Variants in RPS6 observed in about 807,000 individuals in gnomAD.
The protein encoded by RPS6 is ribosomal protein S6.
RPS6 carries 1 observed loss-of-function variant against 27.1 expected under a neutral mutation model. The ratio of observed to expected loss-of-function variants is 0.04; its 90% CI spans 0.01 to 0.18. The LOEUF (loss-of-function observed/expected upper bound fraction) is 0.18, where lower values mean the gene tolerates loss of function less well. Among genes scored for constraint, RPS6 ranks in the 10% least tolerant of loss-of-function variants. The pLI, the probability that RPS6 is intolerant of heterozygous loss-of-function variation, is 1.00. For synonymous variants in RPS6, 152 were observed against 106.0 expected, an observed-to-expected ratio of 1.43 and a Z score of -2.66; for missense variants, 259 against 319.1, an observed-to-expected ratio of 0.81 and a Z score of 1.44.
rs1829577233 is a variant in RPS6, at chr9:19,376,068, C to T, written c.*225G>A. 1 of 443,162 alleles carries T rather than the reference C, an allele frequency of 2.3e-6. No individual in the cohort carries two copies. Among genetic ancestry groups the T allele is most frequent in the Non-Finnish European group, 4.0e-6 (1 of 249,314 alleles). 27.5% of individuals were successfully genotyped at this position (443,162 alleles called of 1,614,324 possible). ...GGCAGGTGTCTTATGCTCAGAATCC[C>T]TTCCTGTGCCACCCATCCCCTGAAA... On this transcript the variant is annotated 3_prime_UTR_variant, in exon 6 of 6. Coordinates refer to ENST00000380394, the MANE Select transcript of RPS6 (RefSeq NM_001010.3).
At chr9:19,380,050 G>A (rs1218706726) in intron 1 of RPS6, 140 bp downstream of exon 1, 29 of 1,583,876 alleles carry the variant, frequency 1.8e-5, no homozygotes, top group African/African-American at 8.2e-5. Context: ...CCATGCCCCA[G>A]AAAGGCGAGC....
intron 1 of RPS6, 121 bp from the exon 2 acceptor site, chr9:19,379,739 T>TA: frequency 6.6e-7 from 1 of 1,505,234 alleles, no homozygotes; most frequent in Non-Finnish European, 8.8e-7. Context: ...AAGCAGGAAA[T>TA]ATAAGATGCC....
Position 19,376,264 on chromosome 9 carries a change from G to C in RPS6, c.*29C>G. 3 of 1,558,900 alleles carry C rather than the reference G, an allele frequency of 1.9e-6. No individual in the cohort carries two copies. The highest frequency in any genetic ancestry group is 2.2e-5 in the East Asian group (1 of 44,534). ...GAAAAGTCAACAGAGATCAGAGTCT[G>C]ATCTTATTTATTTGTTACTCAAAAA... On this transcript the variant is annotated 3_prime_UTR_variant, in exon 6 of 6. Transcript: ENST00000380394.
chr9:19,376,250 A>C lies in RPS6; in HGVS notation c.*43T>G. 6.8e-7 allele frequency: 1 copy of C among 1,469,866 alleles called. No individual in the cohort carries two copies. Among genetic ancestry groups the C allele is most frequent in the Non-Finnish European group, 9.4e-7 (1 of 1,065,046 alleles). 91.1% of individuals were successfully genotyped at this position (1,469,866 alleles called of 1,614,324 possible). On this transcript the variant is annotated 3_prime_UTR_variant, in exon 6 of 6. Transcript: ENST00000380394. ...TTTCTATCAGCAATGAAAAGTCAAC[A>C]GAGATCAGAGTCTGATCTTATTTAT...
At chr9:19,378,630 G>C (rs950506309) in intron 3 of RPS6, 78 bp downstream of exon 3, 16 of 1,576,306 alleles carry the variant, frequency 1.0e-5, no homozygotes, top group African/African-American at 1.3e-5. Flanking sequence ...TGTAAGTCTG[G>C]ATACTGCAAA....
intron 2 of RPS6, chr9:19,379,256 G>C: frequency 7.0e-7 from 1 of 1,423,234 alleles, no homozygotes; most frequent in African/African-American, 1.4e-5. Flanking sequence ...ATTGCCAAAT[G>C]CATGATGCAG....
At chr9:19,379,646 T>C (rs762085527) in intron 1 of RPS6, 28 bp from the exon 2 acceptor site, 5 of 1,600,322 alleles carry the variant, frequency 3.1e-6, no homozygotes, top group South Asian at 2.2e-5. Flanking sequence ...GGAAATAGTT[T>C]ACGAAACTAT....
Position 19,376,368 on chromosome 9 carries a change from C to G in RPS6, c.675G>C (p.Gln225His). Residue 225 changes from glutamine to histidine, a missense_variant, in exon 6 of 6, where the codon CAG becomes CAC. Coordinates refer to ENST00000380394, the MANE Select transcript of RPS6 (RefSeq NM_001010.3). ...KRMKEAKEKR[Q>H]EQIAKRRRLS... The stretch of plus-strand genomic sequence containing the variant: ...GTCTGCGTCTCTTCGCAATTTGTTC[C>G]TGGCGCTTCTCCTTAGCCTCCTAAA... 1 of 1,614,162 alleles carries G rather than the reference C, an allele frequency of 6.2e-7. No individual in the cohort carries two copies. Among genetic ancestry groups the G allele is most frequent in the Non-Finnish European group, 8.5e-7 (1 of 1,180,024 alleles).
Position 19,379,577 on chromosome 9 carries a change from A to G in RPS6, c.48T>C (p.Ile16=), listed in dbSNP as rs1380999194. 2.5e-6 allele frequency: 4 copies of G among 1,614,198 alleles called. No individual in the cohort carries two copies. Among genetic ancestry groups the G allele is most frequent in the Middle Eastern group, 1.6e-4 (1 of 6,062 alleles). Residue 16 remains isoleucine, a synonymous_variant, in exon 2 of 6, where the codon ATT becomes ATC. Transcript: ENST00000380394. ...GAAGTTTGCGTTCATCGTCCACTTC[A>G]ATGAGTTTCTGGCAGCCAGTGGCTG... ...SFPATGCQKL[I]EVDDERKLRT...
At chr9:19,377,774 C>CTT (rs1428189957) in intron 4 of RPS6, among the ~76,000 whole-genome samples, 33 of 152,190 alleles carry the variant, frequency 2.2e-4, no homozygotes, top group Admixed American at 2.2e-3. Context: ...AGTAAGGTCT[C>CTT]TAACTTCTAA....
Position 19,378,932 on chromosome 9 carries a change from C to G in RPS6, c.139-14G>C. ...GACCACATAACCCTGCAAGAGCATA[C>G]AATGAATGACACATTTACTATTTCT... On this transcript the variant is annotated splice_polypyrimidine_tract_variant and intron_variant, in intron 2 of 5. Transcript: ENST00000380394. 6.2e-7 allele frequency: 1 copy of G among 1,611,108 alleles called. No homozygotes were observed.
intron 4 of RPS6, among the ~76,000 whole-genome samples, chr9:19,377,351 A>C (rs1410607720): frequency 1.3e-5 from 2 of 151,542 alleles, no homozygotes; most frequent in Non-Finnish European, 2.9e-5. Context: ...GATTATTTCC[A>C]GGGCTATGAT....
At position 19,378,520 on chromosome 9, in the gene RPS6, A is replaced by T; in HGVS notation, c.350-6T>A. 1 of 1,610,552 alleles carries T rather than the reference A, an allele frequency of 6.2e-7. No individual in the cohort carries two copies. Among genetic ancestry groups the T allele is most frequent in the Non-Finnish European group, 8.5e-7 (1 of 1,179,090 alleles). ...TCCAGGAATATCCTTCTCTCCTTAG[A>T]AGAAACAGTTGAAGAGATTTTAATT... On this transcript the variant is annotated splice_polypyrimidine_tract_variant and splice_region_variant and intron_variant, in intron 3 of 5. Coordinates refer to ENST00000380394, the MANE Select transcript of RPS6 (RefSeq NM_001010.3).
intron 4 of RPS6, among the ~76,000 whole-genome samples, chr9:19,377,205 T>C (rs1339730933): frequency 6.6e-6 from 1 of 152,196 alleles, no homozygotes; most frequent in Admixed American, 6.5e-5. Context: ...ATTTGTTTCA[T>C]GGACACTTTG....
intron 1 of RPS6, 52 bp from the exon 2 acceptor site, chr9:19,379,670 T>C: frequency 6.4e-7 from 1 of 1,555,030 alleles, no homozygotes; most frequent in Non-Finnish European, 8.7e-7. Flanking sequence ...TACAGGTAAT[T>C]GTAGAGCCAT....
chr9:19,377,219 G>C (rs1198205414), intron 4 of RPS6, among the ~76,000 whole-genome samples: 7 of 152,094 alleles, frequency 4.6e-5, no homozygotes, highest in African/African-American at 1.7e-4. Flanking sequence ...CACTTTGTAG[G>C]AGTTAACTGC....
chr9:19,377,130 G>A (rs990061348), intron 4 of RPS6, among the ~76,000 whole-genome samples: 1 of 152,172 alleles, frequency 6.6e-6, no homozygotes, highest in Non-Finnish European at 1.5e-5. Context: ...TCATTAATCT[G>A]ATCTGTACTC....
At chr9:19,379,310 T>C in intron 2 of RPS6, 177 bp downstream of exon 2, 1 of 1,489,744 alleles carries the variant, frequency 6.7e-7, no homozygotes, top group Non-Finnish European at 8.9e-7. Context: ...ATTTTATGGC[T>C]TACTCTACGT....
In RPS6 at chr9:19,376,654, A is replaced by G; in HGVS notation, c.497-3T>C. ...TGCTTTGGTCCTAGGTTTCTTACCT[A>G]AAAATTCAAAGGACTCAATCATTTC... is the stretch of plus-strand genomic sequence containing the variant. On this transcript the variant is annotated splice_region_variant and splice_polypyrimidine_tract_variant and intron_variant, in intron 4 of 5. Coordinates refer to ENST00000380394, the MANE Select transcript of RPS6 (RefSeq NM_001010.3). 2 of 1,598,488 alleles carry G rather than the reference A, an allele frequency of 1.3e-6. 1 individual carries two copies. Among genetic ancestry groups the G allele is most frequent in the South Asian group, 2.3e-5 (2 of 87,626 alleles).
Sources: allele counts gnomAD v4.1 joint callset (sites outside exome capture counted in the v4.1 genomes callset), GRCh38; gene constraint gnomAD v4.1.1; transcripts MANE v1.5; gene names NCBI Gene and HGNC (gene_info 2026-07-23, HGNC 2026-07-21).